The following SSH3 variants were observed in gnomAD, a reference collection of about 807,000 sequenced individuals.
SSH3 encodes slingshot protein phosphatase 3, also known as protein phosphatase Slingshot homolog 3.
SSH3 carries 67 observed loss-of-function variants against 75.0 expected under a neutral mutation model. The ratio of observed to expected loss-of-function variants is 0.89; its 90% CI spans 0.73 to 1.10. The LOEUF (loss-of-function observed/expected upper bound fraction) is 1.10, where lower values mean the gene tolerates loss of function less well. SSH3 is among the 50% of genes least tolerant of loss of function. The pLI is 0.00. For missense variants in SSH3, 824 were observed against 872.7 expected (o/e 0.94, Z 0.70); for synonymous variants, 318 against 349.2 (o/e 0.91, Z 1.00).
rs1861422986 is a variant in SSH3 at position 67,311,822 on chromosome 11, C to A, written c.1915C>A (p.Pro639Thr). Residue 639 changes from proline to threonine, a missense_variant, in exon 14 of 14, where the codon CCC (proline) becomes ACC (threonine). Physicochemically the swap from Pro to Thr is conservative, Grantham distance 38. Coordinates refer to ENST00000308127, the MANE Select transcript of SSH3 (RefSeq NM_017857.4). ...GGGAGAGCCCTGCATTTCCTCTACG[C>A]CCAGGTTCCGGAAGGTGGTGAGACA... is the stretch of plus-strand genomic sequence containing the variant. ...GQGEPCISSTPRFRKVVRQAS... is the reference protein window; with the variant it reads ...GQGEPCISSTTRFRKVVRQAS... 1 of 1,613,130 alleles carries A rather than the reference C, an allele frequency of 6.2e-7. No homozygotes were observed. Among genetic ancestry groups the A allele is most frequent in the South Asian group, 1.1e-5 (1 of 91,046 alleles).
Position 67,307,695 on chromosome 11 carries a change from C to G in SSH3, c.749C>G (p.Ala250Gly). ...QSCLNEWTAM[A>G]DLESLRPPSA... ...TGCCTCAATGAGTGGACGGCTATGGCCGACCTGGAGTCTCTGCGGCCTCCC... is the reference window on the plus strand; with the variant it reads ...TGCCTCAATGAGTGGACGGCTATGGGCGACCTGGAGTCTCTGCGGCCTCCC... The change falls in exon 7 of 14, where the codon GCC becomes GGC. Residue 250 changes from alanine to glycine, a missense_variant. Ala to Gly is a moderately conservative substitution (Grantham distance 60). Coordinates refer to ENST00000308127, the MANE Select transcript of SSH3 (RefSeq NM_017857.4). This position sits in a 1 kb window ranked among gnomAD's most constrained non-coding sequence, Gnocchi z 4.2. The G allele has an allele frequency of 6.2e-7, 1 of 1,613,984 alleles. No homozygotes were observed.
At chr11:67,304,078 TC>T in intron 1 of SSH3, 39 bp from the exon 2 acceptor site, 1 of 1,549,094 alleles carries the variant, frequency 6.5e-7, no homozygotes. Context: ...GGGACAGCCC[TC>T]CCCGCCCTCA....
At position 67,312,059 on chromosome 11, in the gene SSH3, A is replaced by G; in HGVS notation, c.*172A>G. On this transcript the variant is annotated 3_prime_UTR_variant, in exon 14 of 14. Coordinates refer to ENST00000308127, the MANE Select transcript of SSH3 (RefSeq NM_017857.4). The stretch of plus-strand genomic sequence containing the variant: ...GGCCTCACCTCCCACCCCTGTCACT[A>G]CAGCCTCACCTCCTACAGCCTTAAG... The G allele has an allele frequency of 1.2e-6, 1 of 845,362 alleles. No individual in the cohort carries two copies. Among genetic ancestry groups the G allele is most frequent in the Non-Finnish European group, 1.8e-6 (1 of 570,866 alleles). 52.4% of individuals were successfully genotyped at this position (845,362 alleles called of 1,614,324 possible).
Position 67,308,462 on chromosome 11 carries a change from G to A in SSH3, c.1061+4G>A, listed in dbSNP as rs1861312854. Reference sequence around the variant, plus strand: ...TGGAGGAGCTGCAGAGGAACAGGTAGGGCTATGAGCCCCTCGGGCCACCCA... The same window carrying A: ...TGGAGGAGCTGCAGAGGAACAGGTAAGGCTATGAGCCCCTCGGGCCACCCA... On this transcript the variant is annotated splice_donor_region_variant and intron_variant, in intron 10 of 13. Coordinates refer to ENST00000308127, the MANE Select transcript of SSH3 (RefSeq NM_017857.4). This position sits in a 1 kb window ranked among gnomAD's most constrained non-coding sequence, Gnocchi z 4.9. 6.3e-7 allele frequency: 1 copy of A among 1,586,424 alleles called. No individual in the cohort carries two copies. The highest frequency in any genetic ancestry group is 8.6e-7 in the Non-Finnish European group (1 of 1,166,906).
Position 67,311,985 on chromosome 11 carries a change from T to A in SSH3, c.*98T>A. On this transcript the variant is annotated 3_prime_UTR_variant, in exon 14 of 14. Coordinates refer to ENST00000308127, the MANE Select transcript of SSH3 (RefSeq NM_017857.4). ...TGTTGCCGCACACATTCCTCTCAGC[T>A]CCGCCCCATACCCGTCACTACAGCC... 1 of 1,505,316 alleles carries A rather than the reference T, an allele frequency of 6.6e-7. No individual in the cohort carries two copies. Among genetic ancestry groups the A allele is most frequent in the Non-Finnish European group, 8.9e-7 (1 of 1,123,004 alleles). The allele number at this position is 1,505,316 out of a possible 1,614,324, so 93.2% of individuals were successfully genotyped here.
chr11:67,312,424 C>T lies in SSH3; in HGVS notation c.*537C>T, dbSNP rs1461060249. ...GATCGCTTCCCTCATCCACCTCCAC[C>T]GGTCCAGGTCTTTGCTGCTGTCCCC... On this transcript the variant is annotated 3_prime_UTR_variant, in exon 14 of 14. Coordinates refer to ENST00000308127, the MANE Select transcript of SSH3 (RefSeq NM_017857.4). 7 of 167,382 alleles carry T rather than the reference C, an allele frequency of 4.2e-5. No homozygotes were observed. In the East Asian group the frequency reaches 5.7e-4, roughly 14 times the overall value. 10.4% of individuals were successfully genotyped at this position (167,382 alleles called of 1,614,324 possible).
chr11:67,312,051 C>T lies in SSH3; in HGVS notation c.*164C>T, dbSNP rs1028076701. ...GTCACTACGGCCTCACCTCCCACCC[C>T]TGTCACTACAGCCTCACCTCCTACA... On this transcript the variant is annotated 3_prime_UTR_variant, in exon 14 of 14. Coordinates refer to ENST00000308127, the MANE Select transcript of SSH3 (RefSeq NM_017857.4). The T allele has an allele frequency of 2.2e-5, 20 of 916,524 alleles. No homozygotes were observed. Among genetic ancestry groups the T allele is most frequent in the East Asian group, 5.3e-5 (2 of 37,610 alleles). 56.8% of individuals were successfully genotyped at this position (916,524 alleles called of 1,614,324 possible).
chr11:67,307,629 G>A lies in SSH3; in HGVS notation c.683G>A (p.Trp228Ter). 6.2e-7 allele frequency: 1 copy of A among 1,613,888 alleles called. No homozygotes were observed. Reference sequence around the variant, plus strand: ...GTACCGGGTGGCAGTGCCCTCACCTGGGCCAGCCACTACCAGGAGAGACTG... The same window carrying A: ...GTACCGGGTGGCAGTGCCCTCACCTAGGCCAGCCACTACCAGGAGAGACTG... ...GLVPGGSALT[W>*]ASHYQERLNS... The change falls in exon 7 of 14, where the codon TGG becomes TAG. Residue 228 changes from tryptophan to a stop codon, truncating the protein, a stop_gained. Coordinates refer to ENST00000308127, the MANE Select transcript of SSH3 (RefSeq NM_017857.4). LOFTEE classifies it high-confidence loss of function. The surrounding 1 kb of genome is among the most constrained non-coding windows in gnomAD (Gnocchi z 4.2).
At chr11:67,305,477 C>T (rs546569925) in intron 3 of SSH3, among the ~76,000 whole-genome samples, 93 of 152,162 alleles carry the variant, frequency 6.1e-4, no homozygotes, top group Non-Finnish European at 1.1e-3. Context: ...CGTGAGCCAC[C>T]GCGCCCGGCC....
At chr11:67,306,158 G>A (rs1388114374) in intron 3 of SSH3, among the ~76,000 whole-genome samples, 3 of 151,892 alleles carry the variant, frequency 2.0e-5, no homozygotes, top group Non-Finnish European at 1.5e-5. Context: ...GCGTGGTGGC[G>A]GGTGCCTGTA....
rs987176849 is a variant in SSH3, at chr11:67,303,567, G to A, written c.-59G>A. ...TGGTCCTGCGGGTCCAGGACTGTCCGCGGGGTTGAGGGAAGGGGCCGTGCC... is the reference window on the plus strand; with the variant it reads ...TGGTCCTGCGGGTCCAGGACTGTCCACGGGGTTGAGGGAAGGGGCCGTGCC... On this transcript the variant is annotated 5_prime_UTR_variant, in exon 1 of 14. Coordinates refer to ENST00000308127, the MANE Select transcript of SSH3 (RefSeq NM_017857.4). 1 of 1,492,024 alleles carries A rather than the reference G, an allele frequency of 6.7e-7. No homozygotes were observed. The highest frequency in any genetic ancestry group is 8.9e-7 in the Non-Finnish European group (1 of 1,117,434). 92.4% of individuals were successfully genotyped at this position (1,492,024 alleles called of 1,614,324 possible).
At position 67,303,545 on chromosome 11, in the gene SSH3, T is replaced by C. The variant is rs1861124327; in HGVS notation, c.-81T>C. On this transcript the variant is annotated 5_prime_UTR_variant, in exon 1 of 14. Transcript: ENST00000308127. ...GGGTGGCGCCGTCCGTCCTTCCTGG[T>C]CCTGCGGGTCCAGGACTGTCCGCGG... The C allele has an allele frequency of 2.2e-6, 3 of 1,383,520 alleles. No individual in the cohort carries two copies. Among genetic ancestry groups the C allele is most frequent in the Non-Finnish European group, 2.9e-6 (3 of 1,031,822 alleles). The allele number at this position is 1,383,520 out of a possible 1,614,324, so 85.7% of individuals were successfully genotyped here.
At chr11:67,303,974 C>A in intron 1 of SSH3, 144 bp from the exon 2 acceptor site, 1 of 1,124,858 alleles carries the variant, frequency 8.9e-7, no homozygotes, top group Non-Finnish European at 1.2e-6. Flanking sequence ...CTCCACGGGG[C>A]CTCCCGGTGG....
In SSH3 at chr11:67,303,631, C is replaced by T. The variant is rs938748948; in HGVS notation, c.6C>T (p.Ala2=). The change falls in exon 1 of 14, where the codon GCC becomes GCT. Residue 2 remains alanine, a synonymous_variant. Transcript: ENST00000308127. M[A]LVTVSRSPPG... is the part of the protein sequence containing the mutation. ...GGTGCTCGCGGCCTGGCTCCATGGCCCTGGTCACAGTGAGCCGTTCGCCCC... is the reference window on the plus strand; with the variant it reads ...GGTGCTCGCGGCCTGGCTCCATGGCTCTGGTCACAGTGAGCCGTTCGCCCC... 2.6e-6 allele frequency: 4 copies of T among 1,517,086 alleles called. No individual in the cohort carries two copies. Among genetic ancestry groups the T allele is most frequent in the South Asian group, 1.2e-5 (1 of 82,454 alleles). 94.0% of individuals were successfully genotyped at this position (1,517,086 alleles called of 1,614,324 possible).
At chr11:67,304,714 T>C (rs541951588) in intron 2 of SSH3, 59 bp from the exon 3 acceptor site, 780 of 1,516,252 alleles carry the variant, frequency 5.1e-4, no homozygotes, top group Admixed American at 6.7e-4. Flanking sequence ...TGCTAGACTT[T>C]GAGAGCCCCT....
In SSH3 at chr11:67,303,642, T is replaced by G; in HGVS notation, c.17T>G (p.Val6Gly). The change falls in exon 1 of 14, where the codon GTG (valine) becomes GGG (glycine). Residue 6 changes from valine to glycine, a missense_variant. Coordinates refer to ENST00000308127, the MANE Select transcript of SSH3 (RefSeq NM_017857.4). ...CCTGGCTCCATGGCCCTGGTCACAG[T>G]GAGCCGTTCGCCCCCGGGCAGCGGC... Reference protein sequence around the residue: MALVTVSRSPPGSGAS... With the variant: MALVTGSRSPPGSGAS... The G allele has an allele frequency of 6.6e-7, 1 of 1,514,988 alleles. No individual in the cohort carries two copies. The highest frequency in any genetic ancestry group is 8.8e-7 in the Non-Finnish European group (1 of 1,138,174). 93.8% of individuals were successfully genotyped at this position (1,514,988 alleles called of 1,614,324 possible).
Position 67,303,613 on chromosome 11 carries a change from G to A in SSH3, c.-13G>A. The A allele has an allele frequency of 2.0e-6, 3 of 1,518,310 alleles. No homozygotes were observed. The highest frequency in any genetic ancestry group is 1.4e-5 in the African/African-American group (1 of 70,010). The allele number at this position is 1,518,310 out of a possible 1,614,324, so 94.1% of individuals were successfully genotyped here. On this transcript the variant is annotated 5_prime_UTR_variant, in exon 1 of 14. Transcript: ENST00000308127. The stretch of plus-strand genomic sequence containing the variant: ...GTGCCCGGTGCCAGCCCAGGTGCTC[G>A]CGGCCTGGCTCCATGGCCCTGGTCA...
rs1344077273 is a variant in SSH3, at chr11:67,304,808, G to T, written c.140G>T (p.Gly47Val). Residue 47 changes from glycine to valine, a missense_variant, in exon 3 of 14, where the codon GGA (glycine) becomes GTA (valine). By Grantham distance (109) the Gly-to-Val change is moderately radical. Transcript: ENST00000308127. ...SFAVLRGAVL[G>V]LQDGGDNDDA... is the part of the protein sequence containing the mutation. ...GCGGTGCTCCGTGGGGCTGTCCTGG[G>T]ACTGCAGGATGGAGGGGACAATGAT... The T allele has an allele frequency of 1.2e-6, 2 of 1,611,992 alleles. No individual in the cohort carries two copies. The highest frequency in any genetic ancestry group is 3.4e-5 in the Admixed American group (2 of 59,674).
At chr11:67,306,227 T>G (rs958603948) in intron 3 of SSH3, among the ~76,000 whole-genome samples, 11 of 151,266 alleles carry the variant, frequency 7.3e-5, no homozygotes, top group Non-Finnish European at 1.6e-4. Flanking sequence ...AGATGGAGTT[T>G]GTAGTGAGCT....
Sources: gnomAD v4.1 joint callset for allele counts (sites outside exome capture counted in the v4.1 genomes callset) on GRCh38, gnomAD v4.1.1 for gene constraint, Gnocchi (gnomAD v3.1) non-coding constraint, MANE v1.5 for transcripts, NCBI Gene and HGNC (gene_info 2026-07-23, HGNC 2026-07-21) for gene names.